The following PCDH15 variants were observed in gnomAD, a reference collection of about 807,000 sequenced individuals.
PCDH15 encodes the protein protocadherin related 15.
PCDH15 carries 129 observed loss-of-function variants against 178.5 expected under a neutral mutation model. The ratio of observed to expected loss-of-function variants is 0.72; its 90% CI spans 0.63 to 0.84. The LOEUF (loss-of-function observed/expected upper bound fraction) is 0.84, where lower values mean the gene tolerates loss of function less well. Ranked by LOEUF, PCDH15 falls within the 40% of genes least tolerant of loss-of-function variation. The probability of loss-of-function intolerance (pLI) is 0.00; values close to 1 mark genes in which losing one functional copy is unlikely to be tolerated. For missense variants in PCDH15, 2,230 were observed against 2,099.9 expected (o/e 1.06, Z -1.21); for synonymous variants, 800 against 732.0 (o/e 1.09, Z -1.50).
rs117922613 is a variant in PCDH15, at chr10:55,203,241, C to T, written c.-155-36590G>A. Among the ~76,000 whole-genome samples the T allele has an allele frequency of 1.2e-3, 185 of 152,120 alleles. 3 individuals are homozygous for T. Among genetic ancestry groups the T allele is most frequent in the Non-Finnish European group, 2.3e-3 (154 of 68,018 alleles). Reference sequence around the variant, plus strand: ...GGCTTCTCTTTTACACTTCTAATTCCATAAATTCTACAACTTCCATTTGTT... The same window carrying T: ...GGCTTCTCTTTTACACTTCTAATTCTATAAATTCTACAACTTCCATTTGTT... On this transcript the variant is annotated intron_variant, in intron 1 of 5. Coordinates refer to the PCDH15 transcript ENST00000458638.
intron 1 of PCDH15, among the ~76,000 whole-genome samples, chr10:55,195,486 C>CAAAAAAAAA (rs34476628): frequency 5.2e-5 from 6 of 115,198 alleles, no homozygotes; most frequent in South Asian, 3.0e-4. Context: ...ACTAAAAATA[C>CAAAAAAAAA]AAAAAAAAAA....
chr10:55,212,610 G>A (rs1472404630), intron 1 of PCDH15, among the ~76,000 whole-genome samples: 1 of 152,060 alleles, frequency 6.6e-6, no homozygotes, highest in African/African-American at 2.4e-5. Context: ...CAGAGCGCAT[G>A]AACTGAGTGG....
At chr10:54,210,389 A>G (rs1183718735) in intron 10 of PCDH15, among the ~76,000 whole-genome samples, 2 of 152,106 alleles carry the variant, frequency 1.3e-5, no homozygotes, top group Non-Finnish European at 2.9e-5. Context: ...TGTGCTGTAT[A>G]TAGGTAGGTG....
intron 2 of PCDH15, among the ~76,000 whole-genome samples, chr10:55,527,941 G>A (rs1487221684): frequency 6.6e-6 from 1 of 152,052 alleles, no homozygotes; most frequent in Non-Finnish European, 1.5e-5. Flanking sequence ...AGTGCCAAGA[G>A]AAGTTAATAA....
At position 53,822,444 on chromosome 10, in the gene PCDH15, G is replaced by A. The variant is rs2076348358; in HGVS notation, c.4368-2214C>T. The A allele has an allele frequency of 1.3e-6, 2 of 1,594,452 alleles. No individual in the cohort carries two copies. Among genetic ancestry groups the A allele is most frequent in the Non-Finnish European group, 1.7e-6 (2 of 1,170,842 alleles). On this transcript the variant is annotated intron_variant, in intron 32 of 37. Transcript: ENST00000644397. ...AGGAGGAGGAGCAAGAGGAGCAGGA[G>A]CAGGAGGAGGAGAAGGAGGAGAAAT...
intron 1 of PCDH15, among the ~76,000 whole-genome samples, chr10:54,689,056 G>A (rs1247141153): frequency 6.6e-6 from 1 of 152,024 alleles, no homozygotes; most frequent in Non-Finnish European, 1.5e-5. Flanking sequence ...TTGGGTATCT[G>A]CTTTCTCAGT....
At chr10:54,406,818 C>G (rs1952735875) in intron 3 of PCDH15, among the ~76,000 whole-genome samples, 1 of 152,082 alleles carries the variant, frequency 6.6e-6, no homozygotes, top group African/African-American at 2.4e-5. Context: ...TAGAAGAAAA[C>G]AGGGGATTAT....
At chr10:55,405,190 G>A (rs1019728811) in intron 2 of PCDH15, among the ~76,000 whole-genome samples, 2 of 150,116 alleles carry the variant, frequency 1.3e-5, no homozygotes, top group Admixed American at 1.3e-4. Flanking sequence ...TCTATAGAGC[G>A]ATATATATCT....
intron 2 of PCDH15, among the ~76,000 whole-genome samples, chr10:55,447,595 A>T (rs1297707419): frequency 6.6e-6 from 1 of 152,100 alleles, no homozygotes; most frequent in Non-Finnish European, 1.5e-5. Context: ...AATATAAATG[A>T]TTGTAAAGTG....
chr10:54,357,030 A>T (rs9416316), intron 5 of PCDH15, among the ~76,000 whole-genome samples: 17,412 of 151,970 alleles, frequency 0.11, 1,779 homozygotes, highest in African/African-American at 0.28. Flanking sequence ...AAGAGCTATC[A>T]ATGACAAACC....
At chr10:54,060,808 G>A (rs2093998003) in intron 18 of PCDH15, among the ~76,000 whole-genome samples, 1 of 152,120 alleles carries the variant, frequency 6.6e-6, no homozygotes, top group South Asian at 2.1e-4. Context: ...TGACCAGGGA[G>A]TGGTCGTCTC....
At chr10:55,554,273 T>G (rs1842048159) in intron 2 of PCDH15, among the ~76,000 whole-genome samples, 1 of 152,080 alleles carries the variant, frequency 6.6e-6, no homozygotes, top group Admixed American at 6.6e-5. Context: ...CTATTTTTCT[T>G]CGTTTTTGAA....
chr10:55,478,033 T>C lies in PCDH15; in HGVS notation c.-156+149592A>G, dbSNP rs557474751. Among the ~76,000 whole-genome samples the C allele has an allele frequency of 2.0e-5, 3 of 151,956 alleles. No individual in the cohort carries two copies. In the East Asian group the frequency reaches 5.8e-4, roughly 29 times the overall value. On this transcript the variant is annotated intron_variant, in intron 2 of 5. Coordinates refer to the PCDH15 transcript ENST00000613346. ...GAAACCAAAAAGTAGCAGGAGTAAC[T>C]ATACTTATATCAAATAAAATGGACT...
chr10:55,458,943 C>A (rs969945701), intron 2 of PCDH15, among the ~76,000 whole-genome samples: 13 of 151,960 alleles, frequency 8.6e-5, no homozygotes, highest in African/African-American at 2.9e-4. Context: ...CAATAGAGAA[C>A]TACAGGCAAT....
At chr10:55,523,076 T>A (rs552436587) in intron 2 of PCDH15, among the ~76,000 whole-genome samples, 1 of 151,718 alleles carries the variant, frequency 6.6e-6, no homozygotes, top group African/African-American at 2.4e-5. Context: ...TTCACAGTTT[T>A]AATGTTATGT....
chr10:55,453,239 T>G (rs1381070901), intron 2 of PCDH15, among the ~76,000 whole-genome samples: 1 of 152,204 alleles, frequency 6.6e-6, no homozygotes, highest in East Asian at 1.9e-4. Context: ...CATGTGAAAA[T>G]ACAAGATCAT....
At chr10:55,022,529 GTTAATTAGCTAGAT>G (rs1230990745) in intron 2 of PCDH15, among the ~76,000 whole-genome samples, 1 of 150,650 alleles carries the variant, frequency 6.6e-6, no homozygotes, top group Non-Finnish European at 1.5e-5. Context: ...TACTGCATTT[GTTAATTAGCTAGAT>G]TTAACCAGTC....
chr10:53,953,567 A>G (rs2087303612), intron 23 of PCDH15, among the ~76,000 whole-genome samples: 1 of 152,186 alleles, frequency 6.6e-6, no homozygotes, highest in Admixed American at 6.5e-5. Flanking sequence ...GGATTTGAAA[A>G]AAAAAATCAA....
intron 2 of PCDH15, among the ~76,000 whole-genome samples, chr10:55,560,971 A>G (rs1458139897): frequency 6.6e-6 from 1 of 151,916 alleles, no homozygotes; most frequent in Non-Finnish European, 1.5e-5. Context: ...ATTAAGAAAT[A>G]TGCCTTCTTT....
Sources: gnomAD v4.1 joint callset for allele counts (sites outside exome capture counted in the v4.1 genomes callset) on GRCh38, gnomAD v4.1.1 for gene constraint, MANE v1.5 for transcripts, NCBI Gene and HGNC (gene_info 2026-07-23, HGNC 2026-07-21) for gene names.